USH2A: variants seen among roughly 807,000 people sequenced by gnomAD.
USH2A encodes usherin.
A neutral mutation model predicts 538.9 loss-of-function variants in USH2A; 443 were observed. The observed-to-expected ratio is 0.82, with a 90% CI of 0.76 to 0.89. The LOEUF (loss-of-function observed/expected upper bound fraction) is 0.89, where lower values mean the gene tolerates loss of function less well. USH2A is among the 40% of genes least tolerant of loss of function. USH2A has a pLI of 0.00. For synonymous variants in USH2A, 2,413 were observed against 2,273.5 expected, an observed-to-expected ratio of 1.06 and a Z score of -1.75; for missense variants, 6,633 against 6,324.8, an observed-to-expected ratio of 1.05 and a Z score of -1.65.
chr1:215,763,022 T>C (rs530748816), intron 56 of USH2A, among the ~76,000 whole-genome samples: 1 of 152,338 alleles, frequency 6.6e-6, no homozygotes, highest in African/African-American at 2.4e-5. Context: ...CCAGCATTTA[T>C]TGTGGATTGT....
At chr1:216,107,450 T>C (rs2032760687) in intron 21 of USH2A, among the ~76,000 whole-genome samples, 1 of 151,856 alleles carries the variant, frequency 6.6e-6, no homozygotes, top group Non-Finnish European at 1.5e-5. Context: ...TTTCTTATGA[T>C]AAATGTTTCA....
In USH2A at chr1:216,022,726, G is replaced by A. The variant is rs34624029; in HGVS notation, c.6326-22164C>T. The stretch of plus-strand genomic sequence containing the variant: ...ACAGTGATACAGATATAACAGCAGA[G>A]GGGCATATTAGAATCGACTGGGACA... On this transcript the variant is annotated intron_variant, in intron 32 of 71. Transcript: ENST00000307340. 9.4e-3 allele frequency among the ~76,000 whole-genome samples: 1,430 copies of A among 152,236 alleles called. 20 individuals carry two copies. The highest frequency in any genetic ancestry group is 0.033 in the African/African-American group (1,363 of 41,534).
At chr1:216,209,641 A>G (rs1413129739) in intron 15 of USH2A, among the ~76,000 whole-genome samples, 1 of 151,850 alleles carries the variant, frequency 6.6e-6, no homozygotes, top group Non-Finnish European at 1.5e-5. Context: ...ATATTTATAC[A>G]CCATACACAC....
chr1:216,000,338 CCT>C, intron 33 of USH2A, 63 bp downstream of exon 33: 5 of 1,601,484 alleles, frequency 3.1e-6, no homozygotes, highest in Non-Finnish European at 3.4e-6. Context: ...AAGCTCCTCC[CCT>C]GATTGAACTC....
intron 35 of USH2A, among the ~76,000 whole-genome samples, chr1:215,972,679 A>G (rs1292573575): frequency 1.3e-5 from 2 of 152,194 alleles, no homozygotes; most frequent in Admixed American, 6.6e-5. Context: ...ATTTTCCTTT[A>G]AGAAGACAAC....
intron 30 of USH2A, among the ~76,000 whole-genome samples, chr1:216,052,234 A>G (rs1045711960): frequency 6.6e-6 from 1 of 152,134 alleles, no homozygotes; most frequent in African/African-American, 2.4e-5. Flanking sequence ...GAGACTCTTA[A>G]AGAAAGATGC....
intron 20 of USH2A, among the ~76,000 whole-genome samples, chr1:216,175,771 T>C (rs2034366078): frequency 1.3e-5 from 2 of 152,204 alleles, no homozygotes; most frequent in African/African-American, 4.8e-5. Flanking sequence ...AGATCTTATA[T>C]ATTATAGTAG....
intron 30 of USH2A, among the ~76,000 whole-genome samples, chr1:216,051,300 C>T (rs1171967302): frequency 6.6e-6 from 1 of 152,138 alleles, no homozygotes; most frequent in African/African-American, 2.4e-5. Flanking sequence ...TCAACGTGCC[C>T]CAACCAAGAA....
intron 13 of USH2A, among the ~76,000 whole-genome samples, chr1:216,242,289 A>T (rs2035954166): frequency 6.6e-6 from 1 of 151,628 alleles, no homozygotes; most frequent in African/African-American, 2.4e-5. Context: ...CAGAGCTGGC[A>T]GTGAGCCGAG....
intron 3 of USH2A, among the ~76,000 whole-genome samples, chr1:216,410,268 A>G (rs1248579668): frequency 1.3e-5 from 2 of 152,152 alleles, no homozygotes; most frequent in African/African-American, 4.8e-5. Context: ...AAATTACTTC[A>G]ACCATTACAG....
chr1:215,986,029 A>C (rs1667865286), intron 35 of USH2A, among the ~76,000 whole-genome samples: 1 of 152,178 alleles, frequency 6.6e-6, no homozygotes, highest in Non-Finnish European at 1.5e-5. Context: ...CTAAATTAGG[A>C]AAATATTTCC....
intron 24 of USH2A, 105 bp from the exon 25 acceptor site, chr1:216,084,982 C>A: frequency 9.2e-7 from 1 of 1,082,032 alleles, no homozygotes; most frequent in Non-Finnish European, 1.4e-6. Context: ...CTAGCTCTCA[C>A]TACCTATTTA....
Position 216,089,136 on chromosome 1 carries a change from AC to A in USH2A, c.4761del (p.Ser1588HisfsTer5). The A allele has an allele frequency of 6.2e-7, 1 of 1,612,514 alleles. No homozygotes were observed. The highest frequency in any genetic ancestry group is 2.2e-5 in the East Asian group (1 of 44,792). On this transcript the variant is annotated frameshift_variant and splice_region_variant, in exon 23 of 72. Transcript: ENST00000307340. LOFTEE classifies it high-confidence loss of function. ...TTAGTTGTAGTTACTTCCACTGGTG[AC>A]CCCTTAAGGGAATGAATGAATAAAT... ...GRLYFLFDPQGSPVEVTTTND... is the reference protein window; with the variant it reads ...GRLYFLFDPQXSPVEVTTTND...
chr1:215,663,273 G>C (rs1177775652), intron 64 of USH2A, among the ~76,000 whole-genome samples: 1 of 152,084 alleles, frequency 6.6e-6, no homozygotes, highest in Non-Finnish European at 1.5e-5. Context: ...GATCGGATGG[G>C]GGCATGGACC....
chr1:216,032,311 G>A (rs1453667651), intron 32 of USH2A, among the ~76,000 whole-genome samples: 1 of 152,122 alleles, frequency 6.6e-6, no homozygotes, highest in Non-Finnish European at 1.5e-5. Flanking sequence ...TTTTAGAAGA[G>A]TTATGGGACC....
intron 49 of USH2A, among the ~76,000 whole-genome samples, chr1:215,802,444 T>C (rs1662365128): frequency 6.6e-6 from 1 of 151,966 alleles, no homozygotes; most frequent in African/African-American, 2.4e-5. Flanking sequence ...ATTTTTTAAA[T>C]GGGCAAATAA....
chr1:215,888,481 C>A lies in USH2A; in HGVS notation c.8168G>T (p.Arg2723Leu), dbSNP rs267598376. ...CACAGGTGGCTGCACCCCAGCAGGTCGTGAGGGTCTTGTGGTAACTTCTAC... is the reference window on the plus strand; with the variant it reads ...CACAGGTGGCTGCACCCCAGCAGGTAGTGAGGGTCTTGTGGTAACTTCTAC... ...AWVEVTTRPS[R>L]PAGVQPPVVT... Residue 2723 changes from arginine to leucine, a missense_variant, in exon 41 of 72, where the codon CGA (arginine) becomes CTA (leucine). Physicochemically the swap from Arg to Leu is moderately radical, Grantham distance 102. Coordinates refer to ENST00000307340, the MANE Select transcript of USH2A (RefSeq NM_206933.4). 4 of 1,613,938 alleles carry A rather than the reference C, an allele frequency of 2.5e-6. No homozygotes were observed. The highest frequency in any genetic ancestry group is 3.4e-6 in the Non-Finnish European group (4 of 1,180,014).
intron 62 of USH2A, among the ~76,000 whole-genome samples, chr1:215,678,995 C>T (rs1571952511): frequency 6.6e-6 from 1 of 152,102 alleles, no homozygotes; most frequent in African/African-American, 2.4e-5. Context: ...TGCCTTGGGG[C>T]CGTGATTTGG....
chr1:215,713,285 C>T (rs1487283082), intron 61 of USH2A, among the ~76,000 whole-genome samples: 1 of 152,180 alleles, frequency 6.6e-6, no homozygotes. Context: ...CTAAGAGGTG[C>T]TGCCTCTCTG....
Sources: gnomAD v4.1 joint callset for allele counts (sites outside exome capture counted in the v4.1 genomes callset) on GRCh38, gnomAD v4.1.1 for gene constraint, MANE v1.5 for transcripts, NCBI Gene and HGNC (gene_info 2026-07-23, HGNC 2026-07-21) for gene names.